NRROS: variants seen among roughly 807,000 people sequenced by gnomAD.
The protein encoded by NRROS is negative regulator of reactive oxygen species.
Under a neutral mutation model 12.0 loss-of-function variants are expected in NRROS, and 6 were observed. The ratio of observed to expected loss-of-function variants is 0.50; its 90% CI spans 0.27 to 0.98. NRROS has a LOEUF of 0.98. Ranked by LOEUF, NRROS falls within the 50% of genes least tolerant of loss-of-function variation. The pLI is 0.11. For missense variants in NRROS, 857 were observed against 888.2 expected, an observed-to-expected ratio of 0.96 and a Z score of 0.45; for synonymous variants, 462 against 410.2, an observed-to-expected ratio of 1.13 and a Z score of -1.53.
At chr3:196,652,920 T>G (rs925890813) in intron 1 of NRROS, among the ~76,000 whole-genome samples, 8 of 152,208 alleles carry the variant, frequency 5.3e-5, no homozygotes, top group African/African-American at 9.6e-5. Context: ...AAATTCAGGA[T>G]GCCCAGTGAA....
rs986757744 is a variant in NRROS at position 196,660,370 on chromosome 3, G to A, written c.727G>A (p.Ala243Thr). The A allele has an allele frequency of 1.2e-6, 2 of 1,613,972 alleles. No individual in the cohort carries two copies. The highest frequency in any genetic ancestry group is 1.7e-6 in the Non-Finnish European group (2 of 1,179,984). The change falls in exon 3 of 3, where the codon GCG becomes ACG. Residue 243 changes from alanine to threonine, a missense_variant. Coordinates refer to ENST00000328557, the MANE Select transcript of NRROS (RefSeq NM_198565.3). This position sits in a 1 kb window ranked among gnomAD's most constrained non-coding sequence, Gnocchi z 7.7. ...VSYNVLEWFLATGGEAAFELE... is the reference protein window; with the variant it reads ...VSYNVLEWFLTTGGEAAFELE... ...CTACAACGTCCTGGAGTGGTTCCTC[G>A]CGACCGGGGGAGAGGCTGCCTTCGA...
At position 196,654,406 on chromosome 3, in the gene NRROS, A is replaced by G. The variant is rs1024786342; in HGVS notation, c.-13-121A>G. ...TGAGTATCCTGTGGGCTGCACCTCTATGGAGCTCCACAGAGCTCCAAGACC... is the reference window on the plus strand; with the variant it reads ...TGAGTATCCTGTGGGCTGCACCTCTGTGGAGCTCCACAGAGCTCCAAGACC... On this transcript the variant is annotated intron_variant, in intron 1 of 2. Coordinates refer to ENST00000328557, the MANE Select transcript of NRROS (RefSeq NM_198565.3). The surrounding 1 kb of genome is among the most constrained non-coding windows in gnomAD (Gnocchi z 4.4). 2.5e-5 allele frequency: 18 copies of G among 708,624 alleles called. No individual in the cohort carries two copies. Among genetic ancestry groups the G allele is most frequent in the African/African-American group, 1.1e-4 (6 of 57,030 alleles). 43.9% of individuals were successfully genotyped at this position (708,624 alleles called of 1,614,324 possible). A position where few individuals can be genotyped will look rare whatever the true frequency, so the allele number is the denominator to read the frequency against.
In NRROS at chr3:196,660,508, G is replaced by A. The variant is rs1182647004; in HGVS notation, c.865G>A (p.Asp289Asn). 6.2e-7 allele frequency: 1 copy of A among 1,614,112 alleles called. No homozygotes were observed. Among genetic ancestry groups the A allele is most frequent in the Admixed American group, 1.7e-5 (1 of 60,012 alleles). The change falls in exon 3 of 3, where the codon GAC becomes AAC. Residue 289 changes from aspartate (D) to asparagine (N), a missense_variant. Asp to Asn is a conservative substitution (Grantham distance 23). Transcript: ENST00000328557. The surrounding 1 kb of genome is among the most constrained non-coding windows in gnomAD (Gnocchi z 7.7). ...CGACAACAACATGGGCTTCTACCGGGACCTGTACAACACCTCGTCGCCGAG... is the reference window on the plus strand; with the variant it reads ...CGACAACAACATGGGCTTCTACCGGAACCTGTACAACACCTCGTCGCCGAG... Reference protein sequence around the residue: ...LRDNNMGFYRDLYNTSSPREM... With the variant: ...LRDNNMGFYRNLYNTSSPREM...
In NRROS at chr3:196,660,577, A is replaced by G; in HGVS notation, c.934A>G (p.Asn312Asp). ...CCTCCTCGTGGACGGCAACGTGACC[A>G]ACATCACCACCGTCAGCCTCTGGGA... ...QFLLVDGNVT[N>D]ITTVSLWEEF... The change falls in exon 3 of 3, where the codon AAC becomes GAC. Residue 312 changes from asparagine (N) to aspartate (D), a missense_variant. Physicochemically the swap from Asn to Asp is conservative, Grantham distance 23. Transcript: ENST00000328557. This position sits in a 1 kb window ranked among gnomAD's most constrained non-coding sequence, Gnocchi z 7.7. The G allele has an allele frequency of 1.2e-6, 2 of 1,614,122 alleles. No individual in the cohort carries two copies. Among genetic ancestry groups the G allele is most frequent in the Non-Finnish European group, 1.7e-6 (2 of 1,180,012 alleles).
chr3:196,641,140 A>AAAAACAAAAC lies in NRROS; in HGVS notation c.-14+1289_-14+1298dup, dbSNP rs141716665. Among the ~76,000 whole-genome samples, 192 of 150,452 alleles carry AAAAACAAAAC rather than the reference A, an allele frequency of 1.3e-3. 4 individuals are homozygous for AAAAACAAAAC. Among genetic ancestry groups the AAAAACAAAAC allele is most frequent in the Admixed American group, 0.012 (183 of 15,102 alleles). ...ACCTTAACTCCTGCCTTTAGGTTAA[A>AAAAACAAAAC]AAAACAAAACAAAACAAAACAAAAC... On this transcript the variant is annotated intron_variant, in intron 1 of 2. Transcript: ENST00000328557.
At chr3:196,649,365 C>T (rs574271702) in intron 1 of NRROS, among the ~76,000 whole-genome samples, 6 of 152,184 alleles carry the variant, frequency 3.9e-5, no homozygotes, top group East Asian at 1.9e-4. Flanking sequence ...CATCCGGCAC[C>T]GTGTGCCCTT....
Position 196,660,294 on chromosome 3 carries a change from C to A in NRROS, c.651C>A (p.Leu217=). ...LRHLNLAFNN[L]PCIVDFGLTR... ...ACCTCAACCTGGCCTTCAACAACCT[C>A]CCCTGCATCGTGGACTTCGGGCTCA... Residue 217 remains leucine, a synonymous_variant, in exon 3 of 3, where the codon CTC becomes CTA. Coordinates refer to ENST00000328557, the MANE Select transcript of NRROS (RefSeq NM_198565.3). This position sits in a 1 kb window ranked among gnomAD's most constrained non-coding sequence, Gnocchi z 7.7. 1 of 1,614,008 alleles carries A rather than the reference C, an allele frequency of 6.2e-7. No individual in the cohort carries two copies. The highest frequency in any genetic ancestry group is 8.5e-7 in the Non-Finnish European group (1 of 1,180,024).
chr3:196,645,710 G>T (rs1162485722), intron 1 of NRROS, among the ~76,000 whole-genome samples: 1 of 152,100 alleles, frequency 6.6e-6, no homozygotes, highest in Non-Finnish European at 1.5e-5. Context: ...TAGTCGGGGT[G>T]GGGGGATATA....
chr3:196,653,824 C>A lies in NRROS; in HGVS notation c.-13-703C>A, dbSNP rs529545507. On this transcript the variant is annotated intron_variant, in intron 1 of 2. Transcript: ENST00000328557. The stretch of plus-strand genomic sequence containing the variant: ...CTGCTGGTGCGTGTATACCTTCAAG[C>A]CTTCTCATTATTGCTGTTCTCTGTG... 2.6e-5 allele frequency among the ~76,000 whole-genome samples: 4 copies of A among 152,162 alleles called. No homozygotes were observed. The East Asian group carries it at 7.7e-4, about 29-fold the overall frequency.
At chr3:196,653,928 C>T (rs1229197411) in intron 1 of NRROS, among the ~76,000 whole-genome samples, 1 of 152,164 alleles carries the variant, frequency 6.6e-6, no homozygotes, top group Non-Finnish European at 1.5e-5. Flanking sequence ...CTTCATTTTC[C>T]CTCCGTGTTT....
intron 1 of NRROS, among the ~76,000 whole-genome samples, chr3:196,652,324 GTAA>G: frequency 6.6e-6 from 1 of 152,286 alleles, no homozygotes. Context: ...GAACTCACAA[GTAA>G]TAATTAATAA....
chr3:196,659,931 C>T lies in NRROS; in HGVS notation c.288C>T (p.Ile96=). ...TGCACAGCTGCCACCTGGAGCGCAT[C>T]AGCCGCGGCGCCTTCCAGGAGCAAG... ...LSLHSCHLER[I]SRGAFQEQGH... is the part of the protein sequence containing the mutation. Residue 96 remains isoleucine, a synonymous_variant, in exon 3 of 3, where the codon ATC becomes ATT. Transcript: ENST00000328557. 1 of 1,614,106 alleles carries T rather than the reference C, an allele frequency of 6.2e-7. No individual in the cohort carries two copies. Among genetic ancestry groups the T allele is most frequent in the Non-Finnish European group, 8.5e-7 (1 of 1,179,996 alleles).
intron 1 of NRROS, among the ~76,000 whole-genome samples, chr3:196,645,738 CT>C (rs1237518345): frequency 6.6e-6 from 1 of 152,182 alleles, no homozygotes; most frequent in East Asian, 1.9e-4. Context: ...TGTTTTCCCA[CT>C]GGGGCCACTA....
intron 1 of NRROS, among the ~76,000 whole-genome samples, chr3:196,646,880 C>T (rs75090899): frequency 7.2e-5 from 11 of 152,302 alleles, no homozygotes; most frequent in African/African-American, 2.6e-4. Context: ...GCCGAGCCGC[C>T]GCGTGCCTCT....
rs143671286 is a variant in NRROS, at chr3:196,658,079, C to T, written c.109-1673C>T. Among the ~76,000 whole-genome samples, 19 of 152,280 alleles carry T rather than the reference C, an allele frequency of 1.2e-4. No individual in the cohort carries two copies. In the East Asian group the frequency reaches 3.3e-3, roughly 26 times the overall value. On this transcript the variant is annotated intron_variant, in intron 2 of 2. Transcript: ENST00000328557. Reference sequence around the variant, plus strand: ...ACCCATTTGATCAAAAGCAGAGCCACGAAGCATTGGCCCTGGAACTCTTGC... The same window carrying T: ...ACCCATTTGATCAAAAGCAGAGCCATGAAGCATTGGCCCTGGAACTCTTGC...
rs2108644510 is a variant in NRROS, at chr3:196,661,428, A to G, written c.1785A>G (p.Pro595=). Reference sequence around the variant, plus strand: ...GGACCATCTACCTCAGTCAGAATCCATATGACTGCTGTGGGGTGGATGGCT... The same window carrying G: ...GGACCATCTACCTCAGTCAGAATCCGTATGACTGCTGTGGGGTGGATGGCT... ...GLRTIYLSQN[P]YDCCGVDGWG... The change falls in exon 3 of 3, where the codon CCA becomes CCG. Residue 595 remains proline (P), a synonymous_variant. Transcript: ENST00000328557. 2.5e-6 allele frequency: 4 copies of G among 1,583,964 alleles called. No homozygotes were observed. The highest frequency in any genetic ancestry group is 3.4e-6 in the Non-Finnish European group (4 of 1,162,634).
At position 196,657,114 on chromosome 3, in the gene NRROS, G is replaced by A. The variant is rs141721309; in HGVS notation, c.108+2467G>A. 7.9e-4 allele frequency among the ~76,000 whole-genome samples: 120 copies of A among 151,786 alleles called. No homozygotes were observed. In the East Asian group the frequency reaches 0.021, roughly 27 times the overall value. ...AGCTACTCAGGAGGCTGAGGCAGGC[G>A]AATCGCTTGAACCAGGGAGGCCGAG... On this transcript the variant is annotated intron_variant, in intron 2 of 2. Coordinates refer to ENST00000328557, the MANE Select transcript of NRROS (RefSeq NM_198565.3).
At chr3:196,647,626 T>A (rs1737336801) in intron 1 of NRROS, among the ~76,000 whole-genome samples, 2 of 152,368 alleles carry the variant, frequency 1.3e-5, no homozygotes, top group South Asian at 4.1e-4. Flanking sequence ...TGGCATGATC[T>A]CGGCTCACTG....
Position 196,659,811 on chromosome 3 carries a change from G to A in NRROS, c.168G>A (p.Pro56=), listed in dbSNP as rs1195196555. The A allele has an allele frequency of 6.2e-6, 10 of 1,613,722 alleles. No individual in the cohort carries two copies. Among genetic ancestry groups the A allele is most frequent in the East Asian group, 4.5e-5 (2 of 44,870 alleles). Residue 56 remains proline, a synonymous_variant, in exon 3 of 3, where the codon CCG becomes CCA. Coordinates refer to ENST00000328557, the MANE Select transcript of NRROS (RefSeq NM_198565.3). ...TCGCTTCGGTGCCCAGCAGCCTCCC[G>A]CCCCACGCCCGGATGCTCACCCTGG... The part of the protein sequence containing the change: ...QSLASVPSSL[P]PHARMLTLDA...
Sources: gnomAD v4.1 joint callset for allele counts (sites outside exome capture counted in the v4.1 genomes callset) on GRCh38, gnomAD v4.1.1 for gene constraint, Gnocchi (gnomAD v3.1) non-coding constraint, MANE v1.5 for transcripts, NCBI Gene and HGNC (gene_info 2026-07-23, HGNC 2026-07-21) for gene names.